Variants in DPP8 observed in about 807,000 individuals in gnomAD.
DPP8 encodes dipeptidyl peptidase 8.
In DPP8, 31 loss-of-function variants were observed where a neutral mutation model predicts 107.5. The observed-to-expected ratio is 0.29, with a 90% CI of 0.22 to 0.39. The LOEUF (loss-of-function observed/expected upper bound fraction) is 0.39. Ranked by LOEUF, DPP8 falls within the 10% of genes least tolerant of loss-of-function variation. The probability of loss-of-function intolerance (pLI) is 1.00; values close to 1 mark genes in which losing one functional copy is unlikely to be tolerated. For missense variants in DPP8, 842 were observed against 1,076.1 expected, an observed-to-expected ratio of 0.78 and a Z score of 3.04; for synonymous variants, 381 against 356.6, an observed-to-expected ratio of 1.07 and a Z score of -0.77.
intron 2 of DPP8, among the ~76,000 whole-genome samples, chr15:65,508,564 T>C (rs2070358232): frequency 6.6e-6 from 1 of 151,916 alleles, no homozygotes; most frequent in Non-Finnish European, 1.5e-5. Flanking sequence ...TCTAAAAAGG[T>C]ATTACTGGCC....
intron 2 of DPP8, among the ~76,000 whole-genome samples, chr15:65,510,871 T>C (rs954327288): frequency 6.6e-6 from 1 of 152,120 alleles, no homozygotes; most frequent in Non-Finnish European, 1.5e-5. Context: ...GAAATGATGC[T>C]CAACCTCACT....
intron 5 of DPP8, 65 bp downstream of exon 5, chr15:65,497,799 C>T (rs780100908): frequency 4.9e-5 from 62 of 1,254,340 alleles, no homozygotes; most frequent in Admixed American, 3.0e-4. Context: ...TTTCAAAATG[C>T]AAGCAGCAAA....
intron 15 of DPP8, 23 bp downstream of exon 15, chr15:65,463,738 T>C (rs780132902): frequency 3.2e-6 from 5 of 1,578,770 alleles, no homozygotes; most frequent in Non-Finnish European, 4.3e-6. Flanking sequence ...GGTGTATGTA[T>C]ATATGTATAT....
intron 9 of DPP8, 30 bp downstream of exon 9, chr15:65,481,485 T>C (rs769442159): frequency 7.2e-7 from 1 of 1,394,430 alleles, no homozygotes; most frequent in East Asian, 2.4e-5. Context: ...CTAAATTAGT[T>C]ATAAAGAAGT....
chr15:65,482,499 C>G (rs1001090593), intron 8 of DPP8, among the ~76,000 whole-genome samples: 2 of 152,030 alleles, frequency 1.3e-5, no homozygotes, highest in African/African-American at 4.8e-5. Context: ...CCAGGCTGGT[C>G]TCGAATTCCT....
In DPP8 at chr15:65,480,265, G is replaced by A. The variant is rs758585687; in HGVS notation, c.1253C>T (p.Thr418Met). The change falls in exon 10 of 20, where the codon ACG (threonine) becomes ATG (methionine). Residue 418 changes from threonine to methionine, a missense_variant. This residue lies in a region of DPP8 where 663 missense variants were observed against 758.0 expected (regional missense o/e 0.87). Coordinates refer to ENST00000300141, the MANE Select transcript of DPP8 (RefSeq NM_130434.5). ...TGTTTCTTCATAGATAATTAGTGGC[G>A]TCACAGAATCAGGCACTGACTCAAT... The part of the protein sequence containing the change: ...RLIESVPDSV[T>M]PLIIYEETTD... The A allele has an allele frequency of 1.9e-5, 30 of 1,613,554 alleles. No homozygotes were observed. The highest frequency in any genetic ancestry group is 5.5e-5 in the South Asian group (5 of 91,040).
intron 1 of DPP8, chr15:65,516,186 A>T (rs545520887): frequency 6.0e-6 from 1 of 167,664 alleles, no homozygotes; most frequent in Non-Finnish European, 1.3e-5. Context: ...CCTCTTTTAC[A>T]TAATAATGTC....
intron 11 of DPP8, among the ~76,000 whole-genome samples, chr15:65,476,163 T>TG (rs1392116733): frequency 6.6e-6 from 1 of 152,160 alleles, no homozygotes; most frequent in Admixed American, 6.6e-5. Context: ...TCTATTGCTG[T>TG]GGGGAGTGAC....
At chr15:65,488,836 T>C (rs1056290763) in intron 6 of DPP8, among the ~76,000 whole-genome samples, 16 of 152,314 alleles carry the variant, frequency 1.1e-4, no homozygotes, top group African/African-American at 3.8e-4. Flanking sequence ...TACTTGTGAA[T>C]TTGCCACAAG....
At position 65,442,851 on chromosome 15, in the gene DPP8, A is replaced by C. The variant is rs1419280099; in HGVS notation, c.*4033T>G. The C allele has an allele frequency of 6.6e-6, 1 of 152,220 alleles. No individual in the cohort carries two copies. The highest frequency in any genetic ancestry group is 1.5e-5 in the Non-Finnish European group (1 of 68,052). The allele number at this position is 152,220 out of a possible 1,614,324, so 9.4% of individuals were successfully genotyped here. A position where few individuals can be genotyped will look rare whatever the true frequency, so the allele number is the denominator to read the frequency against. On this transcript the variant is annotated 3_prime_UTR_variant, in exon 20 of 20. Transcript: ENST00000300141. ...GTGAGGCTGGGAAGGTGGGAATCAA[A>C]AAAGTTTCCTTTTTCCTTTATATCT...
intron 6 of DPP8, among the ~76,000 whole-genome samples, chr15:65,489,209 T>A (rs191342081): frequency 5.1e-4 from 78 of 152,130 alleles, no homozygotes; most frequent in African/African-American, 1.7e-3. Context: ...TCCGCCCGCC[T>A]TGGCCTCCCA....
At chr15:65,460,125 C>T (rs1053167956) in intron 15 of DPP8, among the ~76,000 whole-genome samples, 2 of 152,056 alleles carry the variant, frequency 1.3e-5, no homozygotes, top group Admixed American at 6.6e-5. Context: ...TTTTTCATCA[C>T]CCAAACAGAA....
rs114911930 is a variant in DPP8 at position 65,515,708 on chromosome 15, T to G, written c.-12+1778A>C. 9.1e-3 allele frequency: 14,746 copies of G among 1,612,494 alleles called. 181 individuals are homozygous for G. The highest frequency in any genetic ancestry group is 0.04 in the South Asian group (3,597 of 90,910). On this transcript the variant is annotated intron_variant, in intron 1 of 19. Transcript: ENST00000300141. The stretch of plus-strand genomic sequence containing the variant: ...TCTTCCACATTCAAAGAGATCTTTT[T>G]CAAGTGACTCGACTTCAAGCATAGA...
intron 18 of DPP8, among the ~76,000 whole-genome samples, chr15:65,451,543 T>G (rs2063976332): frequency 6.6e-6 from 1 of 152,214 alleles, no homozygotes; most frequent in Admixed American, 6.5e-5. Context: ...AGTATAACAT[T>G]TGTCTTGGTT....
rs568919554 is a variant in DPP8, at chr15:65,492,027, C to T, written c.716-1728G>A. Reference sequence around the variant, plus strand: ...GATTACAGGCGTGAGCCACCACGCCCGGCCACATTATTACTGTGTAAGAAT... The same window carrying T: ...GATTACAGGCGTGAGCCACCACGCCTGGCCACATTATTACTGTGTAAGAAT... On this transcript the variant is annotated intron_variant, in intron 5 of 19. Coordinates refer to ENST00000300141, the MANE Select transcript of DPP8 (RefSeq NM_130434.5). Among the ~76,000 whole-genome samples the T allele has an allele frequency of 2.7e-3, 404 of 151,634 alleles. 3 individuals carry two copies. The highest frequency in any genetic ancestry group is 4.5e-3 in the Non-Finnish European group (305 of 67,826).
intron 1 of DPP8, among the ~76,000 whole-genome samples, chr15:65,513,570 T>C (rs2071075236): frequency 1.3e-5 from 2 of 152,326 alleles, no homozygotes; most frequent in East Asian, 1.9e-4. Context: ...ATACAACATA[T>C]ACTGATTAAA....
chr15:65,454,511 G>A, intron 16 of DPP8, 96 bp from the exon 17 acceptor site: 7 of 1,090,316 alleles, frequency 6.4e-6, no homozygotes, highest in Non-Finnish European at 9.1e-6. Context: ...AAAAATACCT[G>A]TAGGTGTTTT....
chr15:65,492,432 G>A (rs2068134324), intron 5 of DPP8, among the ~76,000 whole-genome samples: 2 of 152,100 alleles, frequency 1.3e-5, no homozygotes, highest in South Asian at 2.1e-4. Flanking sequence ...TGTGGTAAGT[G>A]TGTGTTTAAC....
chr15:65,507,615 G>A (rs2070218917), intron 2 of DPP8, among the ~76,000 whole-genome samples: 1 of 143,798 alleles, frequency 7.0e-6, no homozygotes, highest in Non-Finnish European at 1.5e-5. Flanking sequence ...TTGAACCTAG[G>A]AATTCAAGAC....
Sources: allele counts gnomAD v4.1 joint callset (sites outside exome capture counted in the v4.1 genomes callset), GRCh38; gene constraint gnomAD v4.1.1; regional missense constraint gnomAD v4.1.1; transcripts MANE v1.5; gene names NCBI Gene and HGNC (gene_info 2026-07-23, HGNC 2026-07-21).